The following RTL4 variants were observed in gnomAD, a reference collection of about 807,000 sequenced individuals.
The protein encoded by RTL4 is retrotransposon Gag like 4, also known as retrotransposon Gag-like protein 4.
In RTL4, 4 loss-of-function variants were observed where a neutral mutation model predicts 5.3. That is an observed-to-expected ratio of 0.75 (90% confidence interval 0.37 to 1.72). The LOEUF is 1.72. Ranked by LOEUF, RTL4 falls within the 40% of genes most tolerant of loss-of-function variation. RTL4 has a pLI of 0.04. For synonymous variants in RTL4, 98 were observed against 87.3 expected (o/e 1.12, Z -0.68); for missense variants, 260 against 227.1 (o/e 1.14, Z -0.93).
At chrX:112,446,077 T>G in the RTL4 span, among the ~76,000 whole-genome samples, 1 of 111,836 alleles carries the variant, frequency 8.9e-6, no homozygotes, top group African/African-American at 3.2e-5. Context: ...CACCCATTCC[T>G]ACTTTGTCTT....
the RTL4 span, among the ~76,000 whole-genome samples, chrX:112,359,603 C>G: frequency 2.7e-5 from 3 of 111,537 alleles, no homozygotes; most frequent in East Asian, 2.8e-4. Flanking sequence ...CTCTCTTTCT[C>G]TATTCCTAAT....
chrX:112,203,599 T>G, the RTL4 span, among the ~76,000 whole-genome samples: 1 of 111,172 alleles, frequency 9.0e-6, no homozygotes, highest in Admixed American at 9.6e-5. Context: ...TTCTGTTCCA[T>G]TGATCTATGT....
chrX:112,366,174 T>C, the RTL4 span, among the ~76,000 whole-genome samples: 1 of 111,547 alleles, frequency 9.0e-6, no homozygotes, highest in Non-Finnish European at 1.9e-5. Flanking sequence ...ATCTGAGCTT[T>C]AGTTCAGCTC....
At chrX:112,428,689 G>A in the RTL4 span, among the ~76,000 whole-genome samples, 2 of 110,678 alleles carry the variant, frequency 1.8e-5, no homozygotes, top group African/African-American at 6.5e-5. Flanking sequence ...GTGCTTTTGA[G>A]TTCAACTATG....
At chrX:112,209,646 C>G in the RTL4 span, among the ~76,000 whole-genome samples, 1 of 111,562 alleles carries the variant, frequency 9.0e-6, no homozygotes, top group Admixed American at 9.5e-5. Flanking sequence ...CCTCATGTAA[C>G]TTACTTGTGC....
At chrX:112,159,504 A>T in the RTL4 span, among the ~76,000 whole-genome samples, 1 of 112,076 alleles carries the variant, frequency 8.9e-6, no homozygotes, top group Non-Finnish European at 1.9e-5. Flanking sequence ...CAGCGGGGAA[A>T]TAGCAAAAAT....
At chrX:112,185,589 A>T in the RTL4 span, among the ~76,000 whole-genome samples, 1 of 107,797 alleles carries the variant, frequency 9.3e-6, no homozygotes, top group African/African-American at 3.4e-5. Flanking sequence ...TTTGAAAGGT[A>T]GATATTAATA....
At chrX:112,354,845 T>C in the RTL4 span, among the ~76,000 whole-genome samples, 2 of 111,206 alleles carry the variant, frequency 1.8e-5, no homozygotes, top group Admixed American at 1.9e-4. Flanking sequence ...CCTTTGGAGA[T>C]GTCCAGTTTT....
chrX:112,434,416 T>C, the RTL4 span, among the ~76,000 whole-genome samples: 4 of 111,609 alleles, frequency 3.6e-5, no homozygotes, highest in Non-Finnish European at 5.6e-5. Flanking sequence ...TCAGAGCCTG[T>C]TATTGGTCTA....
At chrX:112,159,480 G>A in the RTL4 span, among the ~76,000 whole-genome samples, 1 of 111,636 alleles carries the variant, frequency 9.0e-6, no homozygotes, top group African/African-American at 3.3e-5. Context: ...CCAATCTCAG[G>A]TACCAAAGAC....
the RTL4 span, among the ~76,000 whole-genome samples, chrX:112,119,432 A>G: frequency 9.0e-6 from 1 of 110,896 alleles, no homozygotes; most frequent in South Asian, 3.9e-4. Context: ...TCACGATTGC[A>G]GTGAGCAATA....
the RTL4 span, among the ~76,000 whole-genome samples, chrX:112,103,393 G>A: frequency 1.2e-3 from 133 of 111,179 alleles, 2 homozygotes; most frequent in East Asian, 0.035. Flanking sequence ...CACATGAGGA[G>A]GGAAACAACA....
the RTL4 span, among the ~76,000 whole-genome samples, chrX:112,240,113 A>G: frequency 0.017 from 1,948 of 112,133 alleles, 44 homozygotes; most frequent in African/African-American, 0.06. Context: ...ATTTGAAAAT[A>G]TAAAGGAGAA....
the RTL4 span, among the ~76,000 whole-genome samples, chrX:112,352,946 A>G: frequency 8.9e-6 from 1 of 111,954 alleles, no homozygotes; most frequent in African/African-American, 3.2e-5. Flanking sequence ...CCAAAGGGCT[A>G]ATATCCAGAA....
the RTL4 span, among the ~76,000 whole-genome samples, chrX:112,093,397 G>T: frequency 9.0e-6 from 1 of 111,412 alleles, no homozygotes; most frequent in Non-Finnish European, 1.9e-5. Flanking sequence ...CACTGTTAAG[G>T]TATGTTGAAC....
At chrX:112,298,168 G>C in the RTL4 span, among the ~76,000 whole-genome samples, 12 of 111,460 alleles carry the variant, frequency 1.1e-4, no homozygotes, top group Non-Finnish European at 1.5e-4. Context: ...CAAACATTAA[G>C]CAATATATAA....
chrX:112,431,444 C>T, the RTL4 span, among the ~76,000 whole-genome samples: 15 of 111,390 alleles, frequency 1.3e-4, no homozygotes, highest in African/African-American at 4.2e-4. Context: ...ATGACAGAGT[C>T]GCCCTGGAGT....
chrX:112,455,709 G>T (rs1459285782), exon 1 of RTL4: 1 of 1,101,640 alleles, frequency 9.1e-7, no homozygotes, highest in Non-Finnish European at 1.2e-6. Context: ...CAGCCTTACT[G>T]ATTTATAACC....
chrX:112,343,065 G>A, the RTL4 span, among the ~76,000 whole-genome samples: 39 of 111,622 alleles, frequency 3.5e-4, no homozygotes, highest in African/African-American at 1.2e-3. Context: ...AGCCAAGATC[G>A]CACCACTGCA....
Sources: allele counts gnomAD v4.1 joint callset (sites outside exome capture counted in the v4.1 genomes callset), GRCh38; gene constraint gnomAD v4.1.1; transcripts MANE v1.5; gene names NCBI Gene and HGNC (gene_info 2026-07-23, HGNC 2026-07-21).